Variants in DHX34 observed in about 807,000 individuals in gnomAD.
DHX34 encodes DExH-box helicase 34.
A neutral mutation model predicts 111.1 loss-of-function variants in DHX34; 96 were observed. That is an observed-to-expected ratio of 0.86 (90% CI 0.73 to 1.02). The LOEUF (loss-of-function observed/expected upper bound fraction) is 1.02. Among genes scored for constraint, DHX34 ranks in the 50% least tolerant of loss-of-function variants. The pLI is 0.00. For synonymous variants in DHX34, 688 were observed against 670.4 expected, an observed-to-expected ratio of 1.03 and a Z score of -0.41; for missense variants, 1,560 against 1,579.9, an observed-to-expected ratio of 0.99 and a Z score of 0.21.
At chr19:47,374,018 C>T (rs926601584) in intron 9 of DHX34, among the ~76,000 whole-genome samples, 5 of 152,226 alleles carry the variant, frequency 3.3e-5, no homozygotes, top group Middle Eastern at 6.8e-3. Flanking sequence ...TGTGGTTGGC[C>T]GGCACATCTG....
Position 47,382,098 on chromosome 19 carries a change from G to A in DHX34, c.3417G>A (p.Arg1139=), listed in dbSNP as rs771505097. ...CACCCACAGAGGTGCTGCGCCACCG[G>A]AAGCAGCACGTGTGAGCTGGGCCAG... ...LFTPTEVLRH[R]KQHV is the part of the protein sequence containing the mutation. The change falls in exon 17 of 17, where the codon CGG becomes CGA. Residue 1139 remains arginine, a synonymous_variant. Transcript: ENST00000328771. 7 of 1,614,044 alleles carry A rather than the reference G, an allele frequency of 4.3e-6. No homozygotes were observed. The highest frequency in any genetic ancestry group is 2.2e-5 in the South Asian group (2 of 91,084).
At chr19:47,356,055 A>G (rs1294131465) in intron 3 of DHX34, among the ~76,000 whole-genome samples, 2 of 152,084 alleles carry the variant, frequency 1.3e-5, no homozygotes, top group Non-Finnish European at 2.9e-5. Context: ...AGTCTGGATA[A>G]TTCCTTGTCG....
chr19:47,379,548 G>A (rs535743604), intron 13 of DHX34, 162 bp from the exon 14 acceptor site: 2 of 982,788 alleles, frequency 2.0e-6, no homozygotes, highest in African/African-American at 3.5e-5. Context: ...CGTATCCCCA[G>A]CACCCGAAGG....
chr19:47,381,492 C>A, intron 16 of DHX34, 168 bp downstream of exon 16: 1 of 1,021,122 alleles, frequency 9.8e-7, no homozygotes, highest in Non-Finnish European at 1.4e-6. Context: ...ATCAGGAGCC[C>A]AAGGCAGGGA....
chr19:47,378,493 A>G (rs1970241569), intron 13 of DHX34, among the ~76,000 whole-genome samples: 1 of 152,164 alleles, frequency 6.6e-6, no homozygotes, highest in Non-Finnish European at 1.5e-5. Flanking sequence ...GGCCGCAGGA[A>G]GCGGAACAGA....
intron 3 of DHX34, among the ~76,000 whole-genome samples, chr19:47,356,666 A>C (rs1969467426): frequency 6.6e-6 from 1 of 150,994 alleles, no homozygotes; most frequent in Admixed American, 6.6e-5. Flanking sequence ...AGAGAGAGAG[A>C]GTGCGAGCCG....
In DHX34 at chr19:47,379,846, C is replaced by T. The variant is rs763252424; in HGVS notation, c.2843C>T (p.Ala948Val). 6.2e-7 allele frequency: 1 copy of T among 1,613,780 alleles called. No homozygotes were observed. ...CTGGCGGCTTCCCTGCGGCTCCGTG[C>T]CCGCTGGGAAAGTGCCCTGGACCGG... ...RLLAASLRLR[A>V]RWESALDRQL... Residue 948 changes from alanine (A) to valine (V), a missense_variant, in exon 14 of 17, where the codon GCC (alanine) becomes GTC (valine). By Grantham distance (64) the Ala-to-Val change is moderately conservative. Coordinates refer to ENST00000328771, the MANE Select transcript of DHX34 (RefSeq NM_014681.6).
At chr19:47,371,666 C>A (rs1363045014) in intron 7 of DHX34, among the ~76,000 whole-genome samples, 1 of 152,188 alleles carries the variant, frequency 6.6e-6, no homozygotes, top group Non-Finnish European at 1.5e-5. Flanking sequence ...ATGGCAAGAT[C>A]TCAGCTCACT....
chr19:47,379,150 T>G (rs4802350), intron 13 of DHX34, among the ~76,000 whole-genome samples: 15,018 of 149,798 alleles, frequency 0.1, 891 homozygotes, highest in South Asian at 0.24. Context: ...AAATTAATAA[T>G]AATAATAATA....
intron 12 of DHX34, 38 bp downstream of exon 12, chr19:47,376,598 A>G: frequency 6.5e-7 from 1 of 1,544,906 alleles, no homozygotes; most frequent in Non-Finnish European, 8.7e-7. Context: ...CCCATCCGGG[A>G]TGTGAGGGGC....
chr19:47,378,840 AAAT>A (rs918113986), intron 13 of DHX34, among the ~76,000 whole-genome samples: 14 of 151,852 alleles, frequency 9.2e-5, no homozygotes, highest in South Asian at 2.1e-4. Context: ...CTGTCTCAAA[AAAT>A]AATAAGCCGG....
At chr19:47,374,691 G>A (rs906449334) in intron 9 of DHX34, among the ~76,000 whole-genome samples, 82 of 152,226 alleles carry the variant, frequency 5.4e-4, no homozygotes, top group African/African-American at 1.8e-3. Context: ...CTGGGGTCCC[G>A]GTGTTGGGGA....
rs1394404228 is a variant in DHX34 at position 47,376,532 on chromosome 19, G to A, written c.2571G>A (p.Leu857=). ...GSPEVLHAQE[L]EASNCDGSRD... is the part of the protein sequence containing the mutation. Reference sequence around the variant, plus strand: ...CCGAGGTGCTGCACGCACAGGAGCTGGAGGCCAGCAACTGCGACGGAAGCC... The same window carrying A: ...CCGAGGTGCTGCACGCACAGGAGCTAGAGGCCAGCAACTGCGACGGAAGCC... The change falls in exon 12 of 17, where the codon CTG becomes CTA. Residue 857 remains leucine (L), a synonymous_variant. Transcript: ENST00000328771. 4 of 1,578,728 alleles carry A rather than the reference G, an allele frequency of 2.5e-6. No individual in the cohort carries two copies. Among genetic ancestry groups the A allele is most frequent in the Admixed American group, 3.6e-5 (2 of 54,858 alleles).
chr19:47,382,020 T>C lies in DHX34; in HGVS notation c.3339T>C (p.Ser1113=). The change falls in exon 17 of 17, where the codon TCT becomes TCC. Residue 1113 remains serine (S), a synonymous_variant. Coordinates refer to ENST00000328771, the MANE Select transcript of DHX34 (RefSeq NM_014681.6). ...EAALETLQKT[S]VLQRPYHCEA... ...CCCTCGAAACCCTCCAGAAGACATC[T>C]GTCCTGCAGAGGCCCTACCACTGCG... The C allele has an allele frequency of 1.2e-6, 2 of 1,614,124 alleles. No homozygotes were observed. Among genetic ancestry groups the C allele is most frequent in the Non-Finnish European group, 1.7e-6 (2 of 1,180,000 alleles).
At chr19:47,365,322 G>T (rs1969758961) in intron 6 of DHX34, among the ~76,000 whole-genome samples, 1 of 151,878 alleles carries the variant, frequency 6.6e-6, no homozygotes, top group African/African-American at 2.4e-5. Context: ...TGTTATCTCG[G>T]CTCACTGCAA....
In DHX34 at chr19:47,355,082, C is replaced by A. The variant is rs1384078557; in HGVS notation, c.749C>A (p.Thr250Asn). 6.2e-7 allele frequency: 1 copy of A among 1,613,898 alleles called. No individual in the cohort carries two copies. Among genetic ancestry groups the A allele is most frequent in the African/African-American group, 1.3e-5 (1 of 74,874 alleles). ...TTTGAGAGCACACGTTCGGCGGCCA[C>A]CAAGATTGTATTCCTGACAGTGGGG... is the stretch of plus-strand genomic sequence containing the variant. ...IRFESTRSAA[T>N]KIVFLTVGLL... Residue 250 changes from threonine to asparagine, a missense_variant, in exon 3 of 17, where the codon ACC becomes AAC. Physicochemically the swap from Thr to Asn is moderately conservative, Grantham distance 65. Transcript: ENST00000328771.
intron 7 of DHX34, among the ~76,000 whole-genome samples, chr19:47,369,787 G>GT (rs566718694): frequency 4.7e-4 from 71 of 152,076 alleles, no homozygotes; most frequent in Admixed American, 7.9e-4. Context: ...AATGGGAAGT[G>GT]TTTAAGTGGA....
Position 47,382,249 on chromosome 19 carries a change from C to T in DHX34, c.*136C>T, listed in dbSNP as rs932643167. 19 of 1,425,484 alleles carry T rather than the reference C, an allele frequency of 1.3e-5. No individual in the cohort carries two copies. The highest frequency in any genetic ancestry group is 5.5e-5 in the Admixed American group (2 of 36,062). 88.3% of individuals were successfully genotyped at this position (1,425,484 alleles called of 1,614,324 possible). The stretch of plus-strand genomic sequence containing the variant: ...GTCCCAGTGCAGAGGGCCTGGAGCA[C>T]GGATTGTGAATAAAGCCTCACATGC... On this transcript the variant is annotated 3_prime_UTR_variant, in exon 17 of 17. Coordinates refer to ENST00000328771, the MANE Select transcript of DHX34 (RefSeq NM_014681.6).
chr19:47,373,123 G>C (rs1300999056), intron 8 of DHX34, among the ~76,000 whole-genome samples, 200 bp downstream of exon 8: 1 of 152,224 alleles, frequency 6.6e-6, no homozygotes, highest in Non-Finnish European at 1.5e-5. Context: ...CCCAGGCCCG[G>C]GGCTGAGAGG....
Sources: allele counts gnomAD v4.1 joint callset (sites outside exome capture counted in the v4.1 genomes callset), GRCh38; gene constraint gnomAD v4.1.1; transcripts MANE v1.5; gene names NCBI Gene and HGNC (gene_info 2026-07-23, HGNC 2026-07-21).